The following HUNK variants were observed in gnomAD, a reference collection of about 807,000 sequenced individuals.
HUNK encodes hormonally up-regulated neu tumor-associated kinase.
A neutral mutation model predicts 61.0 loss-of-function variants in HUNK; 21 were observed. The ratio of observed to expected loss-of-function variants is 0.34; its 90% confidence interval spans 0.24 to 0.50. The LOEUF is 0.50. Among genes scored for constraint, HUNK ranks in the 20% least tolerant of loss-of-function variants. The pLI, the probability that HUNK is intolerant of heterozygous loss-of-function variation, is 0.98. For synonymous variants in HUNK, 371 were observed against 386.1 expected, an observed-to-expected ratio of 0.96 and a Z score of 0.46; for missense variants, 772 against 945.7, an observed-to-expected ratio of 0.82 and a Z score of 2.41.
intron 9 of HUNK, among the ~76,000 whole-genome samples, chr21:31,995,245 G>T (rs1390868449): frequency 6.6e-6 from 1 of 151,974 alleles, no homozygotes; most frequent in Non-Finnish European, 1.5e-5. Context: ...CACGATTAGG[G>T]TAGAAAGGGC....
chr21:31,931,279 A>C (rs1010653720), intron 2 of HUNK, among the ~76,000 whole-genome samples: 5 of 151,550 alleles, frequency 3.3e-5, no homozygotes, highest in African/African-American at 1.2e-4. Flanking sequence ...CTTACCTTTC[A>C]TTGGGCTGGG....
intron 4 of HUNK, among the ~76,000 whole-genome samples, chr21:31,949,342 C>A (rs927991992): frequency 3.3e-5 from 5 of 152,168 alleles, no homozygotes; most frequent in Non-Finnish European, 7.3e-5. Context: ...GAATCCCCCT[C>A]AACACAGCCC....
intron 1 of HUNK, among the ~76,000 whole-genome samples, chr21:31,904,409 G>A (rs2052490733): frequency 6.6e-6 from 1 of 152,126 alleles, no homozygotes; most frequent in African/African-American, 2.4e-5. Flanking sequence ...AAAAGATGGT[G>A]ACCTCTTTTT....
At chr21:31,912,578 G>A (rs527319946) in intron 1 of HUNK, among the ~76,000 whole-genome samples, 81 of 152,226 alleles carry the variant, frequency 5.3e-4, no homozygotes, top group Non-Finnish European at 9.8e-4. Flanking sequence ...GCCTCACTCT[G>A]TCTCCCAGGC....
At chr21:31,885,783 G>A (rs904209289) in intron 1 of HUNK, among the ~76,000 whole-genome samples, 1 of 152,134 alleles carries the variant, frequency 6.6e-6, no homozygotes, top group Non-Finnish European at 1.5e-5. Flanking sequence ...TGCCCAGGCT[G>A]TTGTGTAGTG....
intron 4 of HUNK, among the ~76,000 whole-genome samples, chr21:31,950,849 T>C (rs1169781882): frequency 2.0e-5 from 3 of 152,154 alleles, no homozygotes; most frequent in African/African-American, 7.2e-5. Context: ...AAAAACAGAA[T>C]GAAGAGTTCA....
intron 10 of HUNK, among the ~76,000 whole-genome samples, chr21:31,996,752 G>A (rs2053208722): frequency 6.6e-6 from 1 of 152,188 alleles, no homozygotes; most frequent in Non-Finnish European, 1.5e-5. Context: ...GGCCGTGGCT[G>A]TCTGAGATAC....
chr21:31,945,902 A>C, intron 3 of HUNK, 134 bp from the exon 4 acceptor site: 1 of 859,786 alleles, frequency 1.2e-6, no homozygotes, highest in Non-Finnish European at 1.8e-6. Context: ...AGTTTTCTTT[A>C]GGATGCTAAA....
chr21:31,896,891 T>C (rs1421231233), intron 1 of HUNK, among the ~76,000 whole-genome samples: 1 of 152,236 alleles, frequency 6.6e-6, no homozygotes, highest in Non-Finnish European at 1.5e-5. Context: ...ATGTTGTTGC[T>C]AGTAGCATGA....
chr21:31,939,999 T>C (rs1018688800), intron 2 of HUNK, among the ~76,000 whole-genome samples, 166 bp from the exon 3 acceptor site: 2 of 152,162 alleles, frequency 1.3e-5, no homozygotes, highest in Non-Finnish European at 2.9e-5. Context: ...TAATTATTAA[T>C]ATATCATGTC....
intron 10 of HUNK, among the ~76,000 whole-genome samples, 200 bp from the exon 11 acceptor site, chr21:31,998,326 A>G (rs1056993491): frequency 3.3e-5 from 5 of 152,132 alleles, no homozygotes; most frequent in Non-Finnish European, 1.5e-5. Flanking sequence ...CCTCCATCCT[A>G]GGAAGACTGC....
intron 6 of HUNK, 90 bp from the exon 7 acceptor site, chr21:31,974,465 A>G: frequency 8.2e-7 from 1 of 1,221,194 alleles, no homozygotes. Context: ...TGAATGAGTG[A>G]ATGAATGAAG....
chr21:31,925,441 G>A (rs2052653354), intron 2 of HUNK, among the ~76,000 whole-genome samples: 1 of 152,224 alleles, frequency 6.6e-6, no homozygotes, highest in Admixed American at 6.5e-5. Flanking sequence ...GCATAGTCAT[G>A]AGACCAGTTG....
At chr21:31,960,460 G>A (rs1034053874) in intron 5 of HUNK, among the ~76,000 whole-genome samples, 1 of 151,678 alleles carries the variant, frequency 6.6e-6, no homozygotes. Flanking sequence ...ACAATTGCTA[G>A]AAATAATACA....
intron 9 of HUNK, among the ~76,000 whole-genome samples, chr21:31,990,718 T>G (rs1029432300): frequency 6.6e-6 from 1 of 151,994 alleles, no homozygotes; most frequent in African/African-American, 2.4e-5. Flanking sequence ...GTATTTTTAG[T>G]AGAGATAGAG....
intron 5 of HUNK, among the ~76,000 whole-genome samples, 166 bp from the exon 6 acceptor site, chr21:31,968,084 C>T (rs2052979935): frequency 1.3e-5 from 2 of 152,136 alleles, no homozygotes; most frequent in Admixed American, 1.3e-4. Context: ...AACCAAGCTC[C>T]ACGATTCATT....
At chr21:31,963,642 G>A (rs568791649) in intron 5 of HUNK, among the ~76,000 whole-genome samples, 3 of 150,116 alleles carry the variant, frequency 2.0e-5, no homozygotes, top group African/African-American at 4.8e-5. Flanking sequence ...GACTGCAGGC[G>A]CATGCCACCA....
At position 32,001,124 on chromosome 21, in the gene HUNK, A is replaced by C. The variant is rs1444080698; in HGVS notation, c.*1940A>C. 2 of 155,772 alleles carry C rather than the reference A, an allele frequency of 1.3e-5. No homozygotes were observed. Among genetic ancestry groups the C allele is most frequent in the African/African-American group, 4.8e-5 (2 of 41,360 alleles). The allele number at this position is 155,772 out of a possible 1,614,324, so 9.6% of individuals were successfully genotyped here. On this transcript the variant is annotated 3_prime_UTR_variant, in exon 11 of 11. Coordinates refer to ENST00000270112, the MANE Select transcript of HUNK (RefSeq NM_014586.2). ...CCGTCTCTACCGAAAAATACAAAAA[A>C]AAATAGCTGGGTGTGGTGGTACGTG...
At chr21:31,984,894 G>A (rs929644142) in intron 8 of HUNK, among the ~76,000 whole-genome samples, 2 of 152,140 alleles carry the variant, frequency 1.3e-5, no homozygotes, top group Non-Finnish European at 2.9e-5. Context: ...ACTTTATAAA[G>A]GAAAGAGGTT....
Sources: gnomAD v4.1 joint callset for allele counts (sites outside exome capture counted in the v4.1 genomes callset) on GRCh38, gnomAD v4.1.1 for gene constraint, MANE v1.5 for transcripts, NCBI Gene and HGNC (gene_info 2026-07-23, HGNC 2026-07-21) for gene names.